The following ADGRG6 variants were observed in gnomAD, a reference collection of about 807,000 sequenced individuals.
ADGRG6 encodes adhesion G protein-coupled receptor G6.
A neutral mutation model predicts 142.4 loss-of-function variants in ADGRG6; 84 were observed. The observed-to-expected ratio is 0.59, with a 90% CI of 0.49 to 0.71. ADGRG6 has a LOEUF of 0.71. Ranked by LOEUF, ADGRG6 falls within the 30% of genes least tolerant of loss-of-function variation. The pLI, the probability that ADGRG6 is intolerant of heterozygous loss-of-function variation, is 0.00. For synonymous variants in ADGRG6, 521 were observed against 520.5 expected (o/e 1.00, Z -0.01); for missense variants, 1,367 against 1,466.6 (o/e 0.93, Z 1.11).
chr6:142,404,755 A>G (rs916550498), intron 14 of ADGRG6, among the ~76,000 whole-genome samples: 8 of 152,172 alleles, frequency 5.3e-5, no homozygotes, highest in Admixed American at 5.2e-4. Flanking sequence ...TAGGCCCACC[A>G]AATTTGCACT....
chr6:142,431,364 G>C (rs546819264), intron 22 of ADGRG6, among the ~76,000 whole-genome samples: 10 of 152,072 alleles, frequency 6.6e-5, no homozygotes, highest in Non-Finnish European at 1.5e-4. Context: ...CACCAAAAAA[G>C]GTCTATCATG....
intron 15 of ADGRG6, among the ~76,000 whole-genome samples, chr6:142,406,545 G>T (rs1027665070): frequency 6.6e-6 from 1 of 152,188 alleles, no homozygotes; most frequent in African/African-American, 2.4e-5. Flanking sequence ...CAAGGTCAGA[G>T]AATTGTTTCT....
At chr6:142,349,290 G>A (rs1040618766) in intron 2 of ADGRG6, among the ~76,000 whole-genome samples, 6 of 152,358 alleles carry the variant, frequency 3.9e-5, no homozygotes, top group Admixed American at 3.9e-4. Context: ...TAATCTTGGA[G>A]CAACACCTCT....
chr6:142,391,415 A>G (rs1360019304), intron 7 of ADGRG6, among the ~76,000 whole-genome samples: 1 of 146,650 alleles, frequency 6.8e-6, no homozygotes, highest in African/African-American at 2.5e-5. Flanking sequence ...AAGTTTACGC[A>G]TTGAGAGGAA....
At chr6:142,307,178 T>G (rs1027948359) in intron 1 of ADGRG6, among the ~76,000 whole-genome samples, 2 of 152,146 alleles carry the variant, frequency 1.3e-5, no homozygotes, top group African/African-American at 4.8e-5. Flanking sequence ...TAAATGAATC[T>G]GAGAGAAAGC....
At chr6:142,317,640 T>C (rs564872398) in intron 2 of ADGRG6, among the ~76,000 whole-genome samples, 1 of 140,560 alleles carries the variant, frequency 7.1e-6, no homozygotes, top group South Asian at 2.1e-4. Flanking sequence ...GGTGTGTGTG[T>C]ATTTGGGTGT....
chr6:142,423,427 A>G (rs1031383693), intron 22 of ADGRG6, among the ~76,000 whole-genome samples: 4 of 152,182 alleles, frequency 2.6e-5, no homozygotes, highest in African/African-American at 9.7e-5. Context: ...TAAATAGGGA[A>G]TCCTTTCCCC....
chr6:142,307,649 A>G (rs1443769042), intron 1 of ADGRG6, among the ~76,000 whole-genome samples: 1 of 152,064 alleles, frequency 6.6e-6, no homozygotes, highest in Non-Finnish European at 1.5e-5. Flanking sequence ...CACAGTTTAT[A>G]GAGGCACCAG....
chr6:142,348,549 C>T (rs1231899622), intron 2 of ADGRG6, among the ~76,000 whole-genome samples: 1 of 151,992 alleles, frequency 6.6e-6, no homozygotes, highest in African/African-American at 2.4e-5. Context: ...ACAGAGTGGA[C>T]TTCAGTAACC....
chr6:142,425,819 C>T (rs754448260), intron 22 of ADGRG6, among the ~76,000 whole-genome samples: 19 of 152,118 alleles, frequency 1.2e-4, no homozygotes, highest in East Asian at 7.7e-4. Context: ...ACAATCATGG[C>T]GGGAAGCAAG....
intron 2 of ADGRG6, among the ~76,000 whole-genome samples, chr6:142,346,435 C>T (rs977839129): frequency 1.3e-5 from 2 of 152,094 alleles, no homozygotes; most frequent in Non-Finnish European, 2.9e-5. Flanking sequence ...TTTTTGGCAA[C>T]ATAAGTGTCT....
At chr6:142,364,334 G>A (rs1368401302) in intron 2 of ADGRG6, among the ~76,000 whole-genome samples, 1 of 152,018 alleles carries the variant, frequency 6.6e-6, no homozygotes, top group East Asian at 1.9e-4. Context: ...AGCCACTGAA[G>A]GTAAGAATAA....
intron 2 of ADGRG6, 101 bp downstream of exon 2, chr6:142,309,745 C>CT (rs66489806): frequency 0.046 from 23,292 of 506,546 alleles, 40 homozygotes; most frequent in South Asian, 0.056. Context: ...TACTTACTGC[C>CT]TTTTTTTTTT....
chr6:142,397,350 T>A (rs994782039), intron 9 of ADGRG6, among the ~76,000 whole-genome samples: 1 of 152,050 alleles, frequency 6.6e-6, no homozygotes, highest in Non-Finnish European at 1.5e-5. Flanking sequence ...ACTATAAATA[T>A]TAAATATTAA....
At position 142,302,120 on chromosome 6, in the gene ADGRG6, G is replaced by C; in HGVS notation, c.-210G>C. ...CCGCCAGCCTGCTTCCTCGTCCGCA[G>C]GCCCTGCGCTGAACGCTGCCGCGCC... On this transcript the variant is annotated 5_prime_UTR_variant, in exon 1 of 25. Coordinates refer to ENST00000367609, the MANE Select transcript of ADGRG6 (RefSeq NM_198569.3). 1 of 557,584 alleles carries C rather than the reference G, an allele frequency of 1.8e-6. No homozygotes were observed. Among genetic ancestry groups the C allele is most frequent in the East Asian group, 3.1e-5 (1 of 32,540 alleles). The allele number at this position is 557,584 out of a possible 1,614,324, so 34.5% of individuals were successfully genotyped here. A position where few individuals can be genotyped will look rare whatever the true frequency, so the allele number is the denominator to read the frequency against.
chr6:142,407,170 T>TAA (rs11414768), intron 15 of ADGRG6, among the ~76,000 whole-genome samples: 16,142 of 120,814 alleles, frequency 0.13, 1,223 homozygotes, highest in East Asian at 0.35. Flanking sequence ...CCCGTCTCTT[T>TAA]AAAAAAAAAA....
rs770603699 is a variant in ADGRG6, at chr6:142,417,397, G to A, written c.3035+28G>A. On this transcript the variant is annotated intron_variant, in intron 21 of 24. Transcript: ENST00000367609. The stretch of plus-strand genomic sequence containing the variant: ...AAGTAATAAAAACTTTTTGTGATGA[G>A]TAGATATCCTTTGTTTCCTGAAGTT... The A allele has an allele frequency of 1.5e-5, 14 of 936,804 alleles. No homozygotes were observed. The South Asian group carries it at 1.7e-4, about 11-fold the overall frequency. The allele number at this position is 936,804 out of a possible 1,614,324, so 58.0% of individuals were successfully genotyped here.
In ADGRG6 at chr6:142,443,597, C is replaced by G; in HGVS notation, c.*82C>G. On this transcript the variant is annotated 3_prime_UTR_variant, in exon 25 of 25. Coordinates refer to ENST00000367609, the MANE Select transcript of ADGRG6 (RefSeq NM_198569.3). ...AACTGCAACTAGTGATGTAAATGTG[C>G]TATTACCTAGGTAACTGCATATATA... The G allele has an allele frequency of 1.2e-6, 1 of 863,328 alleles. No individual in the cohort carries two copies. Among genetic ancestry groups the G allele is most frequent in the South Asian group, 1.8e-5 (1 of 56,504 alleles). 53.5% of individuals were successfully genotyped at this position (863,328 alleles called of 1,614,324 possible). A position where few individuals can be genotyped will look rare whatever the true frequency, so the allele number is the denominator to read the frequency against.
intron 4 of ADGRG6, among the ~76,000 whole-genome samples, chr6:142,376,730 A>G (rs1394548720): frequency 6.6e-6 from 1 of 152,214 alleles, no homozygotes; most frequent in Non-Finnish European, 1.5e-5. Context: ...GAGGATGCCC[A>G]AACTCTTTAT....
Sources: gnomAD v4.1 joint callset for allele counts (sites outside exome capture counted in the v4.1 genomes callset) on GRCh38, gnomAD v4.1.1 for gene constraint, MANE v1.5 for transcripts, NCBI Gene and HGNC (gene_info 2026-07-23, HGNC 2026-07-21) for gene names.